Variants in KIAA1958 observed in about 807,000 individuals in gnomAD.
KIAA1958 encodes KIAA1958.
In KIAA1958, 14 loss-of-function variants were observed where a neutral mutation model predicts 47.2. The ratio of observed to expected loss-of-function variants is 0.30; its 90% CI spans 0.20 to 0.46. The LOEUF (loss-of-function observed/expected upper bound fraction) is 0.46, where lower values mean the gene tolerates loss of function less well. KIAA1958 is among the 20% of genes least tolerant of loss of function. The pLI, the probability that KIAA1958 is intolerant of heterozygous loss-of-function variation, is 1.00. For synonymous variants in KIAA1958, 354 were observed against 353.3 expected (o/e 1.00, Z -0.02); for missense variants, 803 against 909.2 (o/e 0.88, Z 1.50).
chr9:112,593,814 C>T (rs1016295769), intron 2 of KIAA1958, among the ~76,000 whole-genome samples: 1 of 151,588 alleles, frequency 6.6e-6, no homozygotes, highest in Non-Finnish European at 1.5e-5. Flanking sequence ...TCCTCAAGCA[C>T]CAACTGCAAG....
At chr9:112,612,772 A>G (rs1836347931) in intron 2 of KIAA1958, among the ~76,000 whole-genome samples, 2 of 152,220 alleles carry the variant, frequency 1.3e-5, no homozygotes, top group Non-Finnish European at 2.9e-5. Context: ...TTCATTCTAT[A>G]GATATACTTG....
At chr9:112,518,247 A>G (rs10817355) in intron 1 of KIAA1958, among the ~76,000 whole-genome samples, 34,901 of 152,172 alleles carry the variant, frequency 0.23, 4,159 homozygotes, top group Middle Eastern at 0.38. Flanking sequence ...AAGCATGTAT[A>G]TGTATGAAGA....
Position 112,628,724 on chromosome 9 carries a change from T to C in KIAA1958, c.1172-16926T>C, listed in dbSNP as rs182135550. 6.1e-3 allele frequency among the ~76,000 whole-genome samples: 922 copies of C among 152,322 alleles called. 14 individuals are homozygous for C. Among genetic ancestry groups the C allele is most frequent in the Non-Finnish European group, 5.7e-3 (388 of 68,020 alleles). On this transcript the variant is annotated intron_variant, in intron 2 of 3. Transcript: ENST00000337530. ...CTTTGGGTCTTACGTACATTTTGTATTTCTGTCCTGAGGACTTTTTGCCTC... is the reference window on the plus strand; with the variant it reads ...CTTTGGGTCTTACGTACATTTTGTACTTCTGTCCTGAGGACTTTTTGCCTC...
intron 1 of KIAA1958, among the ~76,000 whole-genome samples, chr9:112,530,936 T>A (rs1834741266): frequency 6.6e-6 from 1 of 152,244 alleles, no homozygotes; most frequent in Non-Finnish European, 1.5e-5. Flanking sequence ...TTTCAGAGAC[T>A]GTTATGAAAC....
chr9:112,512,482 T>A (rs1834339492), intron 1 of KIAA1958, among the ~76,000 whole-genome samples: 1 of 151,884 alleles, frequency 6.6e-6, no homozygotes, highest in Non-Finnish European at 1.5e-5. Context: ...CTTAGCAAAC[T>A]GTGGAATAAA....
chr9:112,571,149 G>C (rs2593680), intron 1 of KIAA1958, among the ~76,000 whole-genome samples: 44,650 of 152,062 alleles, frequency 0.29, 6,788 homozygotes, highest in Middle Eastern at 0.4. Context: ...CCTGGAAACA[G>C]CCTTACAGAC....
At chr9:112,498,300 G>T (rs1226749314) in intron 1 of KIAA1958, among the ~76,000 whole-genome samples, 1 of 152,134 alleles carries the variant, frequency 6.6e-6, no homozygotes, top group Non-Finnish European at 1.5e-5. Context: ...CGGTTCAGTT[G>T]TTTTTAGAAA....
chr9:112,640,195 C>T (rs1351325410), intron 2 of KIAA1958, among the ~76,000 whole-genome samples: 1 of 152,172 alleles, frequency 6.6e-6, no homozygotes, highest in Non-Finnish European at 1.5e-5. Flanking sequence ...CTAGCCAGCA[C>T]GTAAGGTGGG....
chr9:112,518,662 T>C (rs72762282), intron 1 of KIAA1958, among the ~76,000 whole-genome samples: 18,972 of 152,204 alleles, frequency 0.12, 1,681 homozygotes, highest in East Asian at 0.22. Flanking sequence ...GATGGTTTCA[T>C]GGCTATTTAT....
At chr9:112,497,595 A>AG (rs1834066709) in intron 1 of KIAA1958, among the ~76,000 whole-genome samples, 1 of 152,178 alleles carries the variant, frequency 6.6e-6, no homozygotes, top group Admixed American at 6.5e-5. Context: ...ATCCACTGAC[A>AG]TTGATAAAAT....
At chr9:112,644,987 T>C (rs893156651) in intron 2 of KIAA1958, among the ~76,000 whole-genome samples, 43 of 149,210 alleles carry the variant, frequency 2.9e-4, no homozygotes, top group Non-Finnish European at 1.3e-4. Context: ...TATAAAAAAT[T>C]AGCCAGACGT....
Position 112,574,971 on chromosome 9 carries a change from T to G in KIAA1958, c.891T>G (p.Pro297=), listed in dbSNP as rs761573040. The G allele has an allele frequency of 2.5e-6, 4 of 1,614,150 alleles. No individual in the cohort carries two copies. The highest frequency in any genetic ancestry group is 3.4e-6 in the Non-Finnish European group (4 of 1,180,028). The part of the protein sequence containing the change: ...VSLASPNRGP[P]GTHGTNQQVA... Reference sequence around the variant, plus strand: ...TGGCTTCACCAAACAGAGGACCCCCTGGTACACATGGCACCAACCAACAGG... The same window carrying G: ...TGGCTTCACCAAACAGAGGACCCCCGGGTACACATGGCACCAACCAACAGG... Residue 297 remains proline, a synonymous_variant, in exon 2 of 4, where the codon CCT becomes CCG. Transcript: ENST00000337530.
At chr9:112,527,179 A>G (rs1377240317) in intron 1 of KIAA1958, among the ~76,000 whole-genome samples, 2 of 152,200 alleles carry the variant, frequency 1.3e-5, no homozygotes, top group Non-Finnish European at 2.9e-5. Context: ...ATTTACCATA[A>G]ATCACAAGAA....
chr9:112,569,209 G>T (rs1835487569), intron 1 of KIAA1958, among the ~76,000 whole-genome samples: 1 of 152,036 alleles, frequency 6.6e-6, no homozygotes, highest in Admixed American at 6.5e-5. Context: ...CATGAGCATT[G>T]CCTATTAAAT....
At chr9:112,505,635 T>G (rs1834221627) in intron 1 of KIAA1958, among the ~76,000 whole-genome samples, 1 of 152,264 alleles carries the variant, frequency 6.6e-6, no homozygotes, top group Non-Finnish European at 1.5e-5. Flanking sequence ...CATAGTGGTT[T>G]CAAATTGTAT....
intron 2 of KIAA1958, among the ~76,000 whole-genome samples, chr9:112,600,908 C>T (rs1275761786): frequency 1.3e-5 from 2 of 152,196 alleles, no homozygotes; most frequent in Non-Finnish European, 2.9e-5. Context: ...GATCTTCATA[C>T]AACTCTTAAG....
At chr9:112,597,685 G>A (rs940704872) in intron 2 of KIAA1958, among the ~76,000 whole-genome samples, 2 of 152,216 alleles carry the variant, frequency 1.3e-5, no homozygotes, top group Non-Finnish European at 2.9e-5. Context: ...AGGGAGACAC[G>A]TACAGACATG....
rs953484157 is a variant in KIAA1958, at chr9:112,663,674, C to CA, written c.*3610dup. On this transcript the variant is annotated 3_prime_UTR_variant, in exon 4 of 4. Transcript: ENST00000337530. Reference sequence around the variant, plus strand: ...GTTTTTCCATTGTTTAGTGTGTTTGCAAAAAGGAATTTTATGGAAGTACCT... The same window carrying CA: ...GTTTTTCCATTGTTTAGTGTGTTTGCAAAAAAGGAATTTTATGGAAGTACCT... The CA allele has an allele frequency of 1.3e-5, 2 of 152,128 alleles. No individual in the cohort carries two copies. Among genetic ancestry groups the CA allele is most frequent in the Non-Finnish European group, 2.9e-5 (2 of 68,028 alleles). 9.4% of individuals were successfully genotyped at this position (152,128 alleles called of 1,614,324 possible).
intron 1 of KIAA1958, among the ~76,000 whole-genome samples, chr9:112,536,753 C>T (rs1465658035): frequency 6.6e-6 from 1 of 152,054 alleles, no homozygotes; most frequent in Non-Finnish European, 1.5e-5. Flanking sequence ...TGCGCTCCAG[C>T]CTGGGCAACA....
Sources: gnomAD v4.1 joint callset for allele counts (sites outside exome capture counted in the v4.1 genomes callset) on GRCh38, gnomAD v4.1.1 for gene constraint, MANE v1.5 for transcripts, NCBI Gene and HGNC (gene_info 2026-07-23, HGNC 2026-07-21) for gene names.